KRT222: variants seen among roughly 807,000 people sequenced by gnomAD.
The protein encoded by KRT222 is keratin-like protein KRT222.
In KRT222, 23 loss-of-function variants were observed where a neutral mutation model predicts 35.0. The observed-to-expected ratio is 0.66, with a 90% CI of 0.47 to 0.93. The LOEUF is 0.93. Ranked by LOEUF, KRT222 falls within the 40% of genes least tolerant of loss-of-function variation. The pLI, the probability that KRT222 is intolerant of heterozygous loss-of-function variation, is 0.00. For missense variants in KRT222, 339 were observed against 346.3 expected (o/e 0.98, Z 0.17); for synonymous variants, 108 against 118.8 (o/e 0.91, Z 0.59).
chr17:40,660,712 A>C (rs1431567290), intron 2 of KRT222, among the ~76,000 whole-genome samples: 7 of 151,950 alleles, frequency 4.6e-5, no homozygotes, highest in Non-Finnish European at 2.9e-5. Context: ...TTACATAACT[A>C]GAGATCTTAC....
Position 40,660,095 on chromosome 17 carries a change from C to A in KRT222, c.338G>T (p.Arg113Leu). ...GLEKELQEVR[R>L]GIEKQLQEHE... ...CTCTTGAAGCTGCTTTTCGATGCCG[C>A]GCCTTACTTCCTGTAGCTCTTTTTC... The change falls in exon 3 of 6, where the codon CGC (arginine) becomes CTC (leucine). Residue 113 changes from arginine to leucine, a missense_variant. Transcript: ENST00000394052. 6.2e-7 allele frequency: 1 copy of A among 1,614,134 alleles called. No homozygotes were observed. The highest frequency in any genetic ancestry group is 8.5e-7 in the Non-Finnish European group (1 of 1,180,016).
intron 3 of KRT222, among the ~76,000 whole-genome samples, chr17:40,658,031 A>G (rs1241919459): frequency 6.6e-6 from 1 of 152,182 alleles, no homozygotes; most frequent in African/African-American, 2.4e-5. Flanking sequence ...GTATGGGACT[A>G]ATAAGCATCA....
rs577507530 is a variant in KRT222 at position 40,657,469 on chromosome 17, G to T, written c.542C>A (p.Ser181Tyr). ...CTTTTGTGGGACTTTTGTAGTAAAA[G>T]ATATTTCATTTATAATGGCTGTGAA... The part of the protein sequence containing the change: ...VLPSAIINEI[S>Y]FTTKVPQKYE... The change falls in exon 5 of 6, where the codon TCT becomes TAT. Residue 181 changes from serine (S) to tyrosine (Y), a missense_variant. By Grantham distance (144) the Ser-to-Tyr change is moderately radical. Transcript: ENST00000394052. 1.2e-6 allele frequency: 2 copies of T among 1,600,352 alleles called. No individual in the cohort carries two copies. The highest frequency in any genetic ancestry group is 1.7e-6 in the Non-Finnish European group (2 of 1,172,024).
At chr17:40,661,369 T>C (rs4890119) in intron 2 of KRT222, among the ~76,000 whole-genome samples, 110,214 of 151,672 alleles carry the variant, frequency 0.73, 40,613 homozygotes, top group African/African-American at 0.86. Context: ...CAGGTTCAAG[T>C]AATTTTTGTG....
chr17:40,657,830 G>T, intron 3 of KRT222, 80 bp from the exon 4 acceptor site: 1 of 924,916 alleles, frequency 1.1e-6, no homozygotes, highest in Non-Finnish European at 1.7e-6. Flanking sequence ...TGGATAAATC[G>T]TATATTCACG....
chr17:40,662,067 C>A (rs1463698739), intron 1 of KRT222, 23 bp from the exon 2 acceptor site: 2 of 1,603,028 alleles, frequency 1.2e-6, no homozygotes, highest in Admixed American at 1.7e-5. Context: ...CCAACAGCAA[C>A]AATAACAAAC....
chr17:40,663,260 A>G (rs2037397724), intron 1 of KRT222, among the ~76,000 whole-genome samples: 1 of 152,168 alleles, frequency 6.6e-6, no homozygotes, highest in East Asian at 1.9e-4. Flanking sequence ...ATCTCCCAAG[A>G]TGAGTCCTAG....
At chr17:40,656,991 G>A (rs1320497829) in intron 5 of KRT222, among the ~76,000 whole-genome samples, 2 of 152,008 alleles carry the variant, frequency 1.3e-5, no homozygotes, top group African/African-American at 4.8e-5. Flanking sequence ...GGCAGATCAT[G>A]AGGTCAGGAG....
chr17:40,664,397 T>C (rs560968018), intron 1 of KRT222, among the ~76,000 whole-genome samples: 75 of 152,316 alleles, frequency 4.9e-4, no homozygotes, highest in African/African-American at 1.7e-3. Context: ...TCTCATCTTA[T>C]AGTACAGAAG....
At chr17:40,661,150 C>T (rs2037381552) in intron 2 of KRT222, among the ~76,000 whole-genome samples, 1 of 151,918 alleles carries the variant, frequency 6.6e-6, no homozygotes, top group Admixed American at 6.6e-5. Context: ...CGCCATGTTG[C>T]TCAGGCTGGC....
chr17:40,657,567 ATATTG>A (rs2037353746), intron 4 of KRT222, 80 bp from the exon 5 acceptor site: 16 of 1,424,334 alleles, frequency 1.1e-5, no homozygotes, highest in Non-Finnish European at 1.4e-5. Context: ...TTTTATTCAA[ATATTG>A]CTTGTTTTTT....
rs570970547 is a variant in KRT222 at position 40,658,946 on chromosome 17, C to T, written c.446+1041G>A. Among the ~76,000 whole-genome samples the T allele has an allele frequency of 6.6e-5, 10 of 152,116 alleles. No homozygotes were observed. In the East Asian group the frequency reaches 9.6e-4, roughly 15 times the overall value. On this transcript the variant is annotated intron_variant, in intron 3 of 5. Transcript: ENST00000394052. Reference sequence around the variant, plus strand: ...CATGACTCAAAATAATATTGCTTTCCGTGGTTGTAATATAATTACGTTAGA... The same window carrying T: ...CATGACTCAAAATAATATTGCTTTCTGTGGTTGTAATATAATTACGTTAGA...
intron 1 of KRT222, among the ~76,000 whole-genome samples, chr17:40,664,096 T>A (rs2037404708): frequency 6.6e-6 from 1 of 152,148 alleles, no homozygotes; most frequent in Admixed American, 6.5e-5. Context: ...TTTTTTAAAA[T>A]TTTGGGTGAT....
At chr17:40,664,898 T>C in intron 1 of KRT222, 106 bp downstream of exon 1, 1 of 1,566,524 alleles carries the variant, frequency 6.4e-7, no homozygotes, top group Non-Finnish European at 8.6e-7. Context: ...CAATAGATGC[T>C]GCATCGAAAA....
Position 40,656,579 on chromosome 17 carries a change from T to G in KRT222, c.711A>C (p.Lys237Asn). ...ACTTTTTCCTCAATCGAGGGTTATC[T>G]TTAAAGAAAGAACCTTCCCATTCTT... is the stretch of plus-strand genomic sequence containing the variant. Reference protein sequence around the residue: ...VIKEWEGSFFKDNPRLRKKSV... With the variant: ...VIKEWEGSFFNDNPRLRKKSV... The change falls in exon 6 of 6, where the codon AAA (lysine) becomes AAC (asparagine). Residue 237 changes from lysine to asparagine, a missense_variant. By Grantham distance (94) the Lys-to-Asn change is moderately conservative. Transcript: ENST00000394052. 10 of 1,613,622 alleles carry G rather than the reference T, an allele frequency of 6.2e-6. No individual in the cohort carries two copies. Among genetic ancestry groups the G allele is most frequent in the Non-Finnish European group, 8.5e-6 (10 of 1,179,580 alleles).
At chr17:40,661,747 T>G (rs1195977917) in intron 2 of KRT222, among the ~76,000 whole-genome samples, 169 bp downstream of exon 2, 1 of 152,210 alleles carries the variant, frequency 6.6e-6, no homozygotes, top group African/African-American at 2.4e-5. Context: ...TAACAGCCAC[T>G]GCCACAATGG....
chr17:40,661,298 G>A (rs946275013), intron 2 of KRT222, among the ~76,000 whole-genome samples: 14 of 149,056 alleles, frequency 9.4e-5, no homozygotes, highest in African/African-American at 2.7e-4. Flanking sequence ...ACAGAGTCTC[G>A]CTCTGTCACC....
chr17:40,659,255 A>G (rs2037366144), intron 3 of KRT222, among the ~76,000 whole-genome samples: 1 of 150,916 alleles, frequency 6.6e-6, no homozygotes, highest in South Asian at 2.1e-4. Context: ...TCCTGGATTC[A>G]GGCGAGTCTC....
intron 2 of KRT222, 101 bp from the exon 3 acceptor site, chr17:40,660,308 T>A: frequency 1.1e-6 from 1 of 924,066 alleles, no homozygotes; most frequent in Non-Finnish European, 1.6e-6. Flanking sequence ...TGAGATGGAG[T>A]CTCACCCTGT....
Sources: gnomAD v4.1 joint callset for allele counts (sites outside exome capture counted in the v4.1 genomes callset) on GRCh38, gnomAD v4.1.1 for gene constraint, MANE v1.5 for transcripts, NCBI Gene and HGNC (gene_info 2026-07-23, HGNC 2026-07-21) for gene names.